KLF8: variants seen among roughly 807,000 people sequenced by gnomAD.
KLF8 encodes KLF transcription factor 8.
In KLF8, 10 loss-of-function variants were observed where a neutral mutation model predicts 18.2. The ratio of observed to expected loss-of-function variants is 0.55; its 90% confidence interval spans 0.34 to 0.93. The LOEUF is 0.93. Ranked by LOEUF, KLF8 falls within the 40% of genes least tolerant of loss-of-function variation. KLF8 has a pLI of 0.02. For synonymous variants in KLF8, 109 were observed against 97.3 expected (o/e 1.12, Z -0.71); for missense variants, 264 against 277.9 (o/e 0.95, Z 0.36).
At chrX:56,152,500 C>T in the KLF8 span, among the ~76,000 whole-genome samples, 64 of 110,928 alleles carry the variant, frequency 5.8e-4, 1 homozygote, top group Non-Finnish European at 6.0e-4. Flanking sequence ...TTCTTTACTG[C>T]GCAAAGACTT....
chrX:55,931,546 G>C, the KLF8 span, among the ~76,000 whole-genome samples: 2 of 111,827 alleles, frequency 1.8e-5, no homozygotes. Flanking sequence ...CTTTAGCTGT[G>C]TTCCAGAGAT....
At chrX:55,910,536 A>G in the KLF8 span, among the ~76,000 whole-genome samples, 106 of 111,856 alleles carry the variant, frequency 9.5e-4, no homozygotes, top group Non-Finnish European at 1.6e-3. Context: ...TGTTCAAAGA[A>G]TAGTAAGAAG....
At chrX:56,266,835 T>C in intron 3 of KLF8, 9 of 753,787 alleles carry the variant, frequency 1.2e-5, no homozygotes, top group Non-Finnish European at 1.4e-5. Flanking sequence ...CTGTACTAAA[T>C]GTAGGAGGCT....
At chrX:56,051,332 G>C in the KLF8 span, among the ~76,000 whole-genome samples, 6 of 109,498 alleles carry the variant, frequency 5.5e-5, no homozygotes, top group African/African-American at 1.7e-4. Flanking sequence ...TGGTTATTTT[G>C]CTCGTTAGTT....
At chrX:56,099,283 A>G in the KLF8 span, among the ~76,000 whole-genome samples, 1 of 111,722 alleles carries the variant, frequency 9.0e-6, no homozygotes, top group South Asian at 3.8e-4. Context: ...TTGGGGCACC[A>G]AGAACTGCAC....
the KLF8 span, among the ~76,000 whole-genome samples, chrX:55,952,315 T>A: frequency 8.9e-6 from 1 of 112,466 alleles, no homozygotes; most frequent in Non-Finnish European, 1.9e-5. Context: ...AAAAGGACTA[T>A]ATTAATTTCC....
chrX:55,960,388 C>T, the KLF8 span, among the ~76,000 whole-genome samples: 13 of 111,082 alleles, frequency 1.2e-4, no homozygotes, highest in African/African-American at 3.6e-4. Context: ...TGGTGGTGCA[C>T]GCCTATAATC....
At position 56,265,564 on chromosome X, in the gene KLF8, A is replaced by T. The variant is rs779134931; in HGVS notation, c.466A>T (p.Ile156Phe). The T allele has an allele frequency of 8.3e-7, 1 of 1,210,257 alleles. No homozygotes were observed. Among genetic ancestry groups the T allele is most frequent in the African/African-American group, 1.7e-5 (1 of 57,231 alleles). ...TSSQSTGSQQ[I>F]LHVIHTIPSV... ...CTCTCAGAGCACTGGTAGCCAGCAG[A>T]TCTTACATGTCATTCACACTATCCC... Residue 156 changes from isoleucine to phenylalanine, a missense_variant, in exon 3 of 6, where the codon ATC becomes TTC. By Grantham distance (21) the Ile-to-Phe change is conservative (BLOSUM62 0). Coordinates refer to ENST00000468660, the MANE Select transcript of KLF8 (RefSeq NM_007250.5).
the KLF8 span, among the ~76,000 whole-genome samples, chrX:55,928,001 A>G: frequency 8.9e-6 from 1 of 112,185 alleles, no homozygotes; most frequent in African/African-American, 3.2e-5. Context: ...AGTTTTCTCA[A>G]TATTTTCATT....
the KLF8 span, among the ~76,000 whole-genome samples, chrX:56,120,952 C>T: frequency 9.0e-6 from 1 of 110,810 alleles, no homozygotes; most frequent in Non-Finnish European, 1.9e-5. Context: ...TTTTGGAGGC[C>T]AAGGTGGGCA....
At chrX:55,924,849 C>CTTTTTTTTTTTTTTTTTTTTTTTTTTTGT in the KLF8 span, among the ~76,000 whole-genome samples, 1 of 42,937 alleles carries the variant, frequency 2.3e-5, no homozygotes, top group Non-Finnish European at 3.8e-5. Context: ...TTGTTTTTTG[C>CTTTTTTTTTTTTTTTTTTTTTTTTTTTGT]TTTTTTTTTT....
the KLF8 span, among the ~76,000 whole-genome samples, chrX:56,177,878 G>A: frequency 8.9e-6 from 1 of 112,071 alleles, no homozygotes; most frequent in African/African-American, 3.2e-5. Context: ...GCAAGGATCC[G>A]TGGGTGTAGG....
At chrX:56,240,140 A>T (rs1217697262) in intron 1 of KLF8, among the ~76,000 whole-genome samples, 1 of 112,450 alleles carries the variant, frequency 8.9e-6, no homozygotes, top group Non-Finnish European at 1.9e-5. Context: ...GAATAATAAC[A>T]TACTTATTCC....
chrX:56,029,939 A>G, the KLF8 span, among the ~76,000 whole-genome samples: 1 of 111,812 alleles, frequency 8.9e-6, no homozygotes, highest in Non-Finnish European at 1.9e-5. Flanking sequence ...TTGATTAGCT[A>G]TCTCCAGTAA....
the KLF8 span, among the ~76,000 whole-genome samples, chrX:56,078,226 CA>C: frequency 8.9e-6 from 1 of 111,836 alleles, no homozygotes; most frequent in South Asian, 3.8e-4. Context: ...TGCCAGTTTT[CA>C]AAGGGAATGC....
the KLF8 span, among the ~76,000 whole-genome samples, chrX:56,196,768 C>A: frequency 8.9e-6 from 1 of 111,937 alleles, no homozygotes; most frequent in Admixed American, 9.5e-5. Context: ...CTACAGAACT[C>A]TCCACCCCAA....
chrX:56,105,608 CAT>C, the KLF8 span, among the ~76,000 whole-genome samples: 1 of 107,979 alleles, frequency 9.3e-6, no homozygotes, highest in African/African-American at 3.4e-5. Flanking sequence ...TGTGTCTCTG[CAT>C]GCGAGATGGG....
At chrX:56,219,862 G>GA in the KLF8 span, among the ~76,000 whole-genome samples, 8 of 111,805 alleles carry the variant, frequency 7.2e-5, no homozygotes, top group African/African-American at 2.6e-4. Context: ...AAAAAGAAAA[G>GA]AAAAACTGGT....
the KLF8 span, among the ~76,000 whole-genome samples, chrX:56,174,933 A>C: frequency 2.7e-5 from 3 of 111,683 alleles, no homozygotes; most frequent in African/African-American, 9.8e-5. Context: ...CTGTGGGATC[A>C]GTGGTGATAT....
Sources: gnomAD v4.1 joint callset for allele counts (sites outside exome capture counted in the v4.1 genomes callset) on GRCh38, gnomAD v4.1.1 for gene constraint, MANE v1.5 for transcripts, NCBI Gene and HGNC (gene_info 2026-07-23, HGNC 2026-07-21) for gene names.